TEX26: variants seen among roughly 807,000 people sequenced by gnomAD.
The protein encoded by TEX26 is testis expressed 26.
A neutral mutation model predicts 35.3 loss-of-function variants in TEX26; 34 were observed. The ratio of observed to expected loss-of-function variants is 0.96; its 90% CI spans 0.73 to 1.28. TEX26 has a LOEUF of 1.28. TEX26 is among the 50% of genes most tolerant of loss of function. TEX26 has a pLI of 0.00. For missense variants in TEX26, 371 were observed against 330.1 expected (o/e 1.12, Z -0.96); for synonymous variants, 136 against 111.8 (o/e 1.22, Z -1.36).
At chr13:30,952,572 T>G (rs1421824481) in intron 2 of TEX26, 88 bp from the exon 3 acceptor site, 1 of 1,118,928 alleles carries the variant, frequency 8.9e-7, no homozygotes, top group Non-Finnish European at 1.2e-6. Context: ...TTTTAAAAAA[T>G]GTAATGAGTA....
At chr13:30,957,136 A>G in intron 4 of TEX26, 107 bp downstream of exon 4, 1 of 1,175,742 alleles carries the variant, frequency 8.5e-7, no homozygotes, top group East Asian at 2.4e-5. Context: ...CTTGAAGTCT[A>G]GGCATGGAGA....
At chr13:30,969,729 G>A (rs1954654131) in intron 6 of TEX26, among the ~76,000 whole-genome samples, 1 of 152,112 alleles carries the variant, frequency 6.6e-6, no homozygotes, top group Admixed American at 6.5e-5. Flanking sequence ...CCTCATTTGT[G>A]AGTACATCAC....
intron 6 of TEX26, 72 bp from the exon 7 acceptor site, chr13:30,974,774 A>G: frequency 1.4e-6 from 2 of 1,413,198 alleles, no homozygotes; most frequent in Non-Finnish European, 1.9e-6. Flanking sequence ...TTCTTCCTTC[A>G]TAGAATTTCC....
intron 5 of TEX26, among the ~76,000 whole-genome samples, chr13:30,967,652 G>A (rs143475513): frequency 1.3e-3 from 204 of 152,320 alleles, no homozygotes; most frequent in Non-Finnish European, 2.3e-3. Context: ...TTTGGCCAAT[G>A]ACCCCTTAAA....
rs760706129 is a variant in TEX26, at chr13:30,968,932, A to G, written c.694A>G (p.Lys232Glu). The G allele has an allele frequency of 1.9e-6, 3 of 1,614,150 alleles. No individual in the cohort carries two copies. The highest frequency in any genetic ancestry group is 3.3e-5 in the Admixed American group (2 of 60,020). The change falls in exon 6 of 7, where the codon AAA becomes GAA. Residue 232 changes from lysine (K) to glutamate (E), a missense_variant. Physicochemically the swap from Lys to Glu is moderately conservative, Grantham distance 56 (BLOSUM62 1). Coordinates refer to ENST00000380473, the MANE Select transcript of TEX26 (RefSeq NM_152325.3). ...CCTGAGGAACCAAGAGCACACAAAG[A>G]AACAGACCACATACCAAAGTGACTA... ...SYLRNQEHTK[K>E]QTTYQSDYDK...
At chr13:30,966,432 C>CTTTTTTTTTTTTTTTTTT (rs10523710) in intron 5 of TEX26, 34 bp downstream of exon 5, 1 of 847,872 alleles carries the variant, frequency 1.2e-6, no homozygotes, top group African/African-American at 2.4e-5. Flanking sequence ...TTCTTTTTCT[C>CTTTTTTTTTTTTTTTTTT]TTTTTTTTTT....
At chr13:30,956,062 C>T (rs1016547717) in intron 3 of TEX26, among the ~76,000 whole-genome samples, 6 of 151,816 alleles carry the variant, frequency 4.0e-5, no homozygotes, top group African/African-American at 9.7e-5. Flanking sequence ...ATGTGCACAA[C>T]GTGCAAGTTT....
intron 6 of TEX26, among the ~76,000 whole-genome samples, chr13:30,974,131 A>AATATATATAT (rs1555271791): frequency 2.5e-4 from 21 of 84,414 alleles, no homozygotes; most frequent in South Asian, 9.5e-4. Flanking sequence ...AAAAAAAAAA[A>AATATATATAT]ATATATATAT....
chr13:30,957,619 G>C (rs1954186825), intron 4 of TEX26, among the ~76,000 whole-genome samples: 1 of 152,202 alleles, frequency 6.6e-6, no homozygotes, highest in African/African-American at 2.4e-5. Flanking sequence ...TGGACAGGAG[G>C]AGGCTGTTAG....
At chr13:30,962,023 C>T (rs2138304283) in intron 4 of TEX26, among the ~76,000 whole-genome samples, 2 of 152,256 alleles carry the variant, frequency 1.3e-5, no homozygotes, top group Middle Eastern at 3.4e-3. Context: ...GTGAAAGCCT[C>T]ATGAGCATTC....
intron 4 of TEX26, among the ~76,000 whole-genome samples, chr13:30,959,545 C>G (rs368834436): frequency 6.6e-6 from 1 of 152,152 alleles, no homozygotes. Context: ...TACATGAGTA[C>G]GTAAATGTTT....
At chr13:30,956,163 C>A (rs929785250) in intron 3 of TEX26, among the ~76,000 whole-genome samples, 1 of 113,346 alleles carries the variant, frequency 8.8e-6, no homozygotes, top group African/African-American at 3.3e-5. Flanking sequence ...TATCCCTCCC[C>A]CCTCCCCCCA....
intron 1 of TEX26, among the ~76,000 whole-genome samples, chr13:30,934,937 G>A (rs1341479297): frequency 1.3e-5 from 2 of 152,234 alleles, no homozygotes; most frequent in Non-Finnish European, 2.9e-5. Flanking sequence ...GCAGGCAGGA[G>A]CCAGGGACAA....
chr13:30,974,815 T>A (rs566323878), intron 6 of TEX26, 31 bp from the exon 7 acceptor site: 1 of 1,532,756 alleles, frequency 6.5e-7, no homozygotes, highest in African/African-American at 1.4e-5. Context: ...TACGTGAAAA[T>A]TTTCATCCTG....
intron 4 of TEX26, 23 bp downstream of exon 4, chr13:30,957,052 T>G (rs921439655): frequency 6.2e-7 from 1 of 1,609,098 alleles, no homozygotes; most frequent in South Asian, 1.1e-5. Context: ...GTTTTTCTTT[T>G]TTTCCTGGGT....
Position 30,966,319 on chromosome 13 carries a change from A to T in TEX26, c.567A>T (p.Pro189=). 1 of 1,614,096 alleles carries T rather than the reference A, an allele frequency of 6.2e-7. No individual in the cohort carries two copies. Among genetic ancestry groups the T allele is most frequent in the Non-Finnish European group, 8.5e-7 (1 of 1,180,016 alleles). ...AATTCCGAAGGAATTACCAAATTCC[A>T]GCTAAAATTCCTGAGCTTCAAGATT... is the stretch of plus-strand genomic sequence containing the variant. ...DTEFRRNYQI[P]AKIPELQDFS... Residue 189 remains proline, a synonymous_variant, in exon 5 of 7, where the codon CCA becomes CCT. Transcript: ENST00000380473.
At chr13:30,973,053 C>G (rs887134127) in intron 6 of TEX26, among the ~76,000 whole-genome samples, 3 of 152,222 alleles carry the variant, frequency 2.0e-5, no homozygotes, top group African/African-American at 7.2e-5. Flanking sequence ...AGAAAGAAAA[C>G]CATATATCCA....
At chr13:30,943,937 T>G (rs1953607403) in intron 2 of TEX26, among the ~76,000 whole-genome samples, 1 of 151,824 alleles carries the variant, frequency 6.6e-6, no homozygotes, top group Non-Finnish European at 1.5e-5. Context: ...CCAGTATTCC[T>G]GGTTTTGGGT....
At chr13:30,943,654 G>C (rs1953597185) in intron 2 of TEX26, among the ~76,000 whole-genome samples, 1 of 151,864 alleles carries the variant, frequency 6.6e-6, no homozygotes, top group Non-Finnish European at 1.5e-5. Flanking sequence ...CGTCTAGTTT[G>C]TTGAAGGTTT....
Sources: allele counts gnomAD v4.1 joint callset (sites outside exome capture counted in the v4.1 genomes callset), GRCh38; gene constraint gnomAD v4.1.1; transcripts MANE v1.5; gene names NCBI Gene and HGNC (gene_info 2026-07-23, HGNC 2026-07-21).